The following POTEJ variants were observed in gnomAD, a reference collection of about 807,000 sequenced individuals.
The protein encoded by POTEJ is POTE ankyrin domain family member J.
POTEJ carries 11 observed loss-of-function variants against 69.0 expected under a neutral mutation model. The ratio of observed to expected loss-of-function variants is 0.16; its 90% CI spans 0.10 to 0.26. The LOEUF (loss-of-function observed/expected upper bound fraction) is 0.26. Among genes scored for constraint, POTEJ ranks in the 10% least tolerant of loss-of-function variants. The pLI is 1.00. For synonymous variants in POTEJ, 117 were observed against 381.1 expected (o/e 0.31, Z 8.07); for missense variants, 327 against 1,045.5 (o/e 0.31, Z 9.48).
intron 13 of POTEJ, among the ~76,000 whole-genome samples, chr2:130,650,342 C>T (rs1686763792): frequency 6.6e-6 from 1 of 152,258 alleles, no homozygotes; most frequent in South Asian, 2.1e-4. Context: ...TTTCATTTTC[C>T]TGCTTTAGTT....
chr2:130,655,469 C>T (rs1379798261), intron 14 of POTEJ, among the ~76,000 whole-genome samples: 3 of 152,254 alleles, frequency 2.0e-5, no homozygotes, highest in Non-Finnish European at 2.9e-5. Context: ...TACCATTATC[C>T]TTACTTTTGC....
chr2:130,626,795 G>C (rs1685725808), intron 6 of POTEJ, among the ~76,000 whole-genome samples: 2 of 152,166 alleles, frequency 1.3e-5, no homozygotes, highest in Non-Finnish European at 2.9e-5. Context: ...ATAAAGTTAG[G>C]AATCTCAACT....
intron 13 of POTEJ, among the ~76,000 whole-genome samples, chr2:130,650,250 T>G (rs200910916): frequency 2.6e-5 from 4 of 152,392 alleles, no homozygotes; most frequent in Admixed American, 6.5e-5. Context: ...TTCTTTGTAT[T>G]AAAGAAAAAT....
intron 13 of POTEJ, among the ~76,000 whole-genome samples, chr2:130,648,795 T>TG (rs1686690950): frequency 2.8e-5 from 3 of 109,000 alleles, no homozygotes; most frequent in South Asian, 2.8e-4. Flanking sequence ...TTTTTTTTTT[T>TG]TTTTTTTTTT....
intron 10 of POTEJ, among the ~76,000 whole-genome samples, chr2:130,640,634 G>T (rs1686321621): frequency 6.6e-6 from 1 of 151,794 alleles, no homozygotes; most frequent in African/African-American, 2.4e-5. Context: ...CGCAAGGGCT[G>T]CTTTTCTTCA....
chr2:130,624,574 T>C (rs544229272), intron 6 of POTEJ, among the ~76,000 whole-genome samples: 25 of 152,184 alleles, frequency 1.6e-4, no homozygotes, highest in Admixed American at 1.0e-3. Context: ...AGGGAGTGGC[T>C]GTAAATACAG....
intron 1 of POTEJ, among the ~76,000 whole-genome samples, chr2:130,613,318 A>G (rs1334830898): frequency 8.9e-5 from 11 of 123,236 alleles, no homozygotes; most frequent in East Asian, 2.2e-4. Flanking sequence ...ATATACATAT[A>G]TATACATATG....
chr2:130,655,953 A>G lies in POTEJ; in HGVS notation c.1789-596A>G, dbSNP rs1251268452. Among the ~76,000 whole-genome samples, 5 of 141,012 alleles carry G rather than the reference A, an allele frequency of 3.5e-5. No individual in the cohort carries two copies. In the East Asian group the frequency reaches 5.9e-4, roughly 17 times the overall value. 92.5% of individuals were successfully genotyped at this position (141,012 alleles called of 152,430 possible). A position where few individuals can be genotyped will look rare whatever the true frequency, so the allele number is the denominator to read the frequency against. On this transcript the variant is annotated intron_variant, in intron 14 of 14. Transcript: ENST00000409602. ...GCCTAGATACAGATGTGTACAGTGT[A>G]GAAGGGTACAGTGCTTAGATTTGAC...
At chr2:130,625,850 C>T (rs1685686247) in intron 6 of POTEJ, among the ~76,000 whole-genome samples, 1 of 134,526 alleles carries the variant, frequency 7.4e-6, no homozygotes, top group Non-Finnish European at 1.6e-5. Context: ...TCCTGTGTGC[C>T]ATGGGAAATT....
chr2:130,629,029 A>G (rs1303847428), intron 6 of POTEJ, among the ~76,000 whole-genome samples: 1 of 152,110 alleles, frequency 6.6e-6, no homozygotes, highest in African/African-American at 2.4e-5. Flanking sequence ...AAAAAAAAAA[A>G]AGAAAGAAAA....
chr2:130,636,040 C>G (rs1193525118), intron 9 of POTEJ, among the ~76,000 whole-genome samples: 1 of 144,170 alleles, frequency 6.9e-6, no homozygotes, highest in Non-Finnish European at 1.5e-5. Context: ...ATCTCCCTTG[C>G]TCTGCTTCAG....
chr2:130,623,523 T>C (rs1573972953), intron 5 of POTEJ, among the ~76,000 whole-genome samples: 1 of 65,658 alleles, frequency 1.5e-5, no homozygotes, highest in Admixed American at 1.7e-4. Context: ...AACTACAACA[T>C]TTGCATATTA....
rs1402384668 is a variant in POTEJ, at chr2:130,613,421, T to C, written c.410+1479T>C. 2.8e-5 allele frequency among the ~76,000 whole-genome samples: 4 copies of C among 144,644 alleles called. No homozygotes were observed. In the East Asian group the frequency reaches 7.9e-4, roughly 29 times the overall value. 94.9% of individuals were successfully genotyped at this position (144,644 alleles called of 152,430 possible). ...ATATATATATATATACTTTTTTTTT[T>C]GGTGGAGTCTCACTCTGTAGCCCAA... On this transcript the variant is annotated intron_variant, in intron 1 of 14. Transcript: ENST00000409602.
intron 6 of POTEJ, among the ~76,000 whole-genome samples, chr2:130,629,216 G>C (rs202203645): frequency 2.1e-5 from 3 of 146,110 alleles, no homozygotes; most frequent in South Asian, 2.1e-4. Flanking sequence ...ATTTAGGTTC[G>C]CACCAGCTCA....
Position 130,657,025 on chromosome 2 carries a change from C to G in POTEJ, c.2265C>G (p.Asn755Lys). Residue 755 changes from asparagine to lysine, a missense_variant, in exon 15 of 15, where the codon AAC (asparagine) becomes AAG (lysine). Coordinates refer to ENST00000409602, the MANE Select transcript of POTEJ (RefSeq NM_001277083.2). ...AGATCTGGCACCACACCTTCTACAA[C>G]GAGCTGCGTGTGGCCCCCGAGGAGC... ...MEKIWHHTFY[N>K]ELRVAPEEHP... The G allele has an allele frequency of 6.5e-7, 1 of 1,549,046 alleles. No individual in the cohort carries two copies. The highest frequency in any genetic ancestry group is 1.1e-5 in the South Asian group (1 of 90,302).
At chr2:130,642,937 A>G (rs1469780004) in intron 10 of POTEJ, among the ~76,000 whole-genome samples, 3 of 150,526 alleles carry the variant, frequency 2.0e-5, no homozygotes, top group Non-Finnish European at 4.4e-5. Context: ...TAGAAAAGCC[A>G]TCTCTGACAG....
chr2:130,638,009 A>G (rs1168763060), intron 9 of POTEJ, among the ~76,000 whole-genome samples: 1 of 148,006 alleles, frequency 6.8e-6, no homozygotes, highest in African/African-American at 2.5e-5. Flanking sequence ...CTGAATTAGA[A>G]GCCATAAAGA....
chr2:130,642,053 G>A (rs1686400890), intron 10 of POTEJ, among the ~76,000 whole-genome samples: 1 of 150,588 alleles, frequency 6.6e-6, no homozygotes, highest in Non-Finnish European at 1.5e-5. Flanking sequence ...AGCAAATTCG[G>A]TCCTAGAGTG....
intron 9 of POTEJ, among the ~76,000 whole-genome samples, chr2:130,632,923 A>C (rs1479678735): frequency 6.8e-6 from 1 of 146,996 alleles, no homozygotes; most frequent in East Asian, 1.9e-4. Context: ...TCAGGGGTAC[A>C]TGTGCAGGGT....
Sources: gnomAD v4.1 joint callset for allele counts (sites outside exome capture counted in the v4.1 genomes callset) on GRCh38, gnomAD v4.1.1 for gene constraint, MANE v1.5 for transcripts, NCBI Gene and HGNC (gene_info 2026-07-23, HGNC 2026-07-21) for gene names.